The following CAMK2A variants were observed in gnomAD, a reference collection of about 807,000 sequenced individuals.
CAMK2A encodes calcium/calmodulin dependent protein kinase II alpha.
CAMK2A carries 7 observed loss-of-function variants against 79.2 expected under a neutral mutation model. The ratio of observed to expected loss-of-function variants is 0.09; its 90% CI spans 0.05 to 0.17. The LOEUF is 0.17. CAMK2A is among the 10% of genes least tolerant of loss of function. CAMK2A has a pLI of 1.00. For synonymous variants in CAMK2A, 242 were observed against 251.7 expected, an observed-to-expected ratio of 0.96 and a Z score of 0.36; for missense variants, 214 against 646.4, an observed-to-expected ratio of 0.33 and a Z score of 7.25.
intron 1 of CAMK2A, among the ~76,000 whole-genome samples, chr5:150,276,608 A>G (rs1023884461): frequency 6.6e-6 from 1 of 152,176 alleles, no homozygotes; most frequent in Non-Finnish European, 1.5e-5. Flanking sequence ...CAAAAGCCCT[A>G]TGAGAAAGAA....
At position 150,252,515 on chromosome 5, in the gene CAMK2A, G is replaced by A. The variant is rs142098632; in HGVS notation, c.515-450C>T. 7.9e-5 allele frequency among the ~76,000 whole-genome samples: 12 copies of A among 152,268 alleles called. No homozygotes were observed. In the South Asian group the frequency reaches 1.9e-3, roughly 24 times the overall value. ...TTGTTGGAGTTGGTCATGGGATGTC[G>A]GGAGGCCTGTCCTAACTGACTTTGC... On this transcript the variant is annotated intron_variant, in intron 7 of 18. Transcript: ENST00000671881.
chr5:150,222,633 G>T lies in CAMK2A; in HGVS notation c.*77C>A. The T allele has an allele frequency of 1.3e-6, 2 of 1,540,582 alleles. No homozygotes were observed. The highest frequency in any genetic ancestry group is 1.8e-6 in the Non-Finnish European group (2 of 1,113,918). ...GGGAGAATTCCAGCAAAATCCACCT[G>T]GGAGAACCAGCAGCTCCACTCCACG... On this transcript the variant is annotated 3_prime_UTR_variant, in exon 19 of 19. Transcript: ENST00000671881.
chr5:150,252,879 C>T (rs931856881), intron 7 of CAMK2A, among the ~76,000 whole-genome samples: 1 of 152,148 alleles, frequency 6.6e-6, no homozygotes, highest in Non-Finnish European at 1.5e-5. Context: ...GTAGCAGAGT[C>T]GGGATTTGAA....
At chr5:150,247,951 C>T (rs1755647156) in intron 11 of CAMK2A, 137 bp from the exon 12 acceptor site, 2 of 706,856 alleles carry the variant, frequency 2.8e-6, no homozygotes, top group Middle Eastern at 3.7e-4. Context: ...TCTGCCCTGC[C>T]CCTCCATTTG....
intron 1 of CAMK2A, among the ~76,000 whole-genome samples, chr5:150,278,591 G>A (rs1757064874): frequency 6.6e-6 from 1 of 152,168 alleles, no homozygotes; most frequent in Admixed American, 6.5e-5. Context: ...AGGGTGGGAA[G>A]CGATGGCCAA....
At chr5:150,233,926 C>T (rs1233469682) in intron 15 of CAMK2A, among the ~76,000 whole-genome samples, 1 of 152,216 alleles carries the variant, frequency 6.6e-6, no homozygotes, top group Non-Finnish European at 1.5e-5. Context: ...GATTCTCCTG[C>T]CTCAGCCTCC....
At chr5:150,225,041 G>GGAGAGAGAGAGAGAGAGAGAGAGAGA (rs58360121) in intron 17 of CAMK2A, among the ~76,000 whole-genome samples, 34 of 108,912 alleles carry the variant, frequency 3.1e-4, no homozygotes, top group Non-Finnish European at 4.4e-4. Context: ...TGGTAGGTAG[G>GGAGAGAGAGAGAGAGAGAGAGAGAGA]GAGAGAGAGA....
intron 1 of CAMK2A, among the ~76,000 whole-genome samples, chr5:150,282,263 G>A (rs1362822971): frequency 6.6e-6 from 1 of 152,204 alleles, no homozygotes; most frequent in Non-Finnish European, 1.5e-5. Context: ...GGACACAGAA[G>A]GGCTAGGAAC....
At chr5:150,227,230 TTC>T (rs1562132933) in intron 17 of CAMK2A, among the ~76,000 whole-genome samples, 1 of 152,184 alleles carries the variant, frequency 6.6e-6, no homozygotes, top group Non-Finnish European at 1.5e-5. Context: ...GAGATTTGCT[TTC>T]TCTTTGATAA....
chr5:150,228,277 G>A lies in CAMK2A; in HGVS notation c.1152C>T (p.Cys384=), dbSNP rs375087065. Residue 384 remains cysteine, a synonymous_variant, in exon 17 of 19, where the codon TGC becomes TGT. Transcript: ENST00000671881. ...GTTCGAAGGCTGTCATGCCAGGGTCGCACATCTTCCTGGGGGAAAGAAGCC... is the reference window on the plus strand; with the variant it reads ...GTTCGAAGGCTGTCATGCCAGGGTCACACATCTTCCTGGGGGAAAGAAGCC... The part of the protein sequence containing the change: ...NGDFESYTKM[C]DPGMTAFEPE... 2.0e-5 allele frequency: 33 copies of A among 1,613,312 alleles called. No homozygotes were observed. The highest frequency in any genetic ancestry group is 1.1e-4 in the African/African-American group (8 of 74,882).
chr5:150,252,147 G>C (rs917348447), intron 7 of CAMK2A, 82 bp from the exon 8 acceptor site: 3 of 1,078,846 alleles, frequency 2.8e-6, no homozygotes, highest in Non-Finnish European at 1.4e-6. Flanking sequence ...TGCTGGAAGA[G>C]GGGATGAGGA....
chr5:150,245,371 TC>T, intron 12 of CAMK2A, 170 bp from the exon 13 acceptor site: 1 of 611,542 alleles, frequency 1.6e-6, no homozygotes, highest in Non-Finnish European at 2.9e-6. Flanking sequence ...CTCCTCCTCC[TC>T]CTCCCTCCTT....
chr5:150,219,870 TTTA>T lies in CAMK2A; in HGVS notation c.*2837_*2839del, dbSNP rs147490193. On this transcript the variant is annotated 3_prime_UTR_variant, in exon 19 of 19. Coordinates refer to ENST00000671881, the MANE Select transcript of CAMK2A (RefSeq NM_015981.4). Reference sequence around the variant, plus strand: ...TTGGGTTTGGATTTTTATTTATTTATTTATTATTATTATTATTATTATTTTGCA... The same window carrying T: ...TTGGGTTTGGATTTTTATTTATTTATTTATTATTATTATTATTATTTTGCA... The T allele has an allele frequency of 0.48, 66,930 of 138,656 alleles. 17,542 individuals are homozygous for T. The highest frequency in any genetic ancestry group is 0.62 in the Non-Finnish European group (37,878 of 60,934). The allele number at this position is 138,656 out of a possible 1,614,324, so 8.6% of individuals were successfully genotyped here.
At chr5:150,281,435 G>A (rs1757211995) in intron 1 of CAMK2A, among the ~76,000 whole-genome samples, 1 of 152,214 alleles carries the variant, frequency 6.6e-6, no homozygotes, top group African/African-American at 2.4e-5. Flanking sequence ...GGCCACAGAG[G>A]CAGCACCACG....
chr5:150,220,505 C>T lies in CAMK2A; in HGVS notation c.*2205G>A, dbSNP rs1041932568. ...GATGGGAACAAAGAACCCTTTTAACCAATGAGGGAACTGAGGCTGAAGAAG... is the reference window on the plus strand; with the variant it reads ...GATGGGAACAAAGAACCCTTTTAACTAATGAGGGAACTGAGGCTGAAGAAG... On this transcript the variant is annotated 3_prime_UTR_variant, in exon 19 of 19. Coordinates refer to ENST00000671881, the MANE Select transcript of CAMK2A (RefSeq NM_015981.4). 13 of 152,322 alleles carry T rather than the reference C, an allele frequency of 8.5e-5. No individual in the cohort carries two copies. Among genetic ancestry groups the T allele is most frequent in the African/African-American group, 2.9e-4 (12 of 41,456 alleles). 9.4% of individuals were successfully genotyped at this position (152,322 alleles called of 1,614,324 possible). A position where few individuals can be genotyped will look rare whatever the true frequency, so the allele number is the denominator to read the frequency against.
chr5:150,250,960 AG>A, intron 9 of CAMK2A, 150 bp from the exon 10 acceptor site: 6 of 836,552 alleles, frequency 7.2e-6, no homozygotes, highest in Non-Finnish European at 1.1e-5. Flanking sequence ...TCCTCACTGC[AG>A]GGGAGGGCCC....
At chr5:150,272,721 C>A (rs768420539) in intron 2 of CAMK2A, among the ~76,000 whole-genome samples, 2 of 151,714 alleles carry the variant, frequency 1.3e-5, no homozygotes, top group Non-Finnish European at 2.9e-5. Flanking sequence ...CAGGAGATGG[C>A]GTTCAGGCAG....
chr5:150,246,936 G>T (rs1404415840), intron 12 of CAMK2A, among the ~76,000 whole-genome samples: 1 of 152,176 alleles, frequency 6.6e-6, no homozygotes, highest in Non-Finnish European at 1.5e-5. Flanking sequence ...GGTGAGCTTT[G>T]CTCTATCTGC....
chr5:150,267,619 C>T (rs1652973942), intron 2 of CAMK2A, among the ~76,000 whole-genome samples: 2 of 152,248 alleles, frequency 1.3e-5, no homozygotes, highest in South Asian at 2.1e-4. Flanking sequence ...TAAACATATA[C>T]ATTATACAAT....
Sources: gnomAD v4.1 joint callset for allele counts (sites outside exome capture counted in the v4.1 genomes callset) on GRCh38, gnomAD v4.1.1 for gene constraint, MANE v1.5 for transcripts, NCBI Gene and HGNC (gene_info 2026-07-23, HGNC 2026-07-21) for gene names.